COCH: variants seen among roughly 807,000 people sequenced by gnomAD.
COCH encodes coagulation factor C homolog, cochlin (Limulus polyphemus).
COCH carries 40 observed loss-of-function variants against 54.8 expected under a neutral mutation model. The ratio of observed to expected loss-of-function variants is 0.73; its 90% confidence interval spans 0.57 to 0.95. COCH has a LOEUF of 0.95. Ranked by LOEUF, COCH falls within the 40% of genes least tolerant of loss-of-function variation. The pLI, the probability that COCH is intolerant of heterozygous loss-of-function variation, is 0.00. For missense variants in COCH, 605 were observed against 675.0 expected (o/e 0.90, Z 1.15); for synonymous variants, 256 against 237.9 (o/e 1.08, Z -0.70).
chr14:30,887,304 G>C (rs1895821944), intron 11 of COCH, among the ~76,000 whole-genome samples: 1 of 151,388 alleles, frequency 6.6e-6, no homozygotes, highest in South Asian at 2.1e-4. Context: ...TGAGGCACGA[G>C]AATCACTTGA....
Position 30,874,609 on chromosome 14 carries a change from G to T in COCH, c.-24+18G>T. 1 of 501,064 alleles carries T rather than the reference G, an allele frequency of 2.0e-6. No individual in the cohort carries two copies. The highest frequency in any genetic ancestry group is 3.6e-6 in the Non-Finnish European group (1 of 277,286). The allele number at this position is 501,064 out of a possible 1,614,324, so 31.0% of individuals were successfully genotyped here. On this transcript the variant is annotated intron_variant, in intron 1 of 11. Coordinates refer to ENST00000396618, the MANE Select transcript of COCH (RefSeq NM_004086.3). ...TCGAGCAGGTGCGGAGCCCCGGGCGGCGGGCGCGGGTGCGAGGGATCCCTG... is the reference window on the plus strand; with the variant it reads ...TCGAGCAGGTGCGGAGCCCCGGGCGTCGGGCGCGGGTGCGAGGGATCCCTG...
At chr14:30,890,647 C>T (rs923334608), downstream of COCH, 10 of 866,360 alleles carry the variant, frequency 1.2e-5, no homozygotes, top group Non-Finnish European at 4.2e-6. Context: ...CTGCTAGTGT[C>T]TCCCCTGAGG....
At position 30,884,024 on chromosome 14, in the gene COCH, A is replaced by G. The variant is rs1253119525; in HGVS notation, c.630-529A>G. Among the ~76,000 whole-genome samples the G allele has an allele frequency of 2.6e-5, 4 of 152,326 alleles. No individual in the cohort carries two copies. The East Asian group carries it at 7.7e-4, about 29-fold the overall frequency. The stretch of plus-strand genomic sequence containing the variant: ...CACTACTTAGAGCCTCTGGGGTCCC[A>G]CACTGGAACAGACCCTAGTCTCATA... On this transcript the variant is annotated intron_variant, in intron 8 of 11. Transcript: ENST00000396618.
chr14:30,893,360 G>T (rs1164298984), downstream of COCH, among the ~76,000 whole-genome samples: 1 of 151,732 alleles, frequency 6.6e-6, no homozygotes, highest in African/African-American at 2.4e-5. Flanking sequence ...CATCGTGTTA[G>T]CCAGGATGGT....
At chr14:30,884,126 C>G (rs1355749671) in intron 8 of COCH, among the ~76,000 whole-genome samples, 1 of 152,198 alleles carries the variant, frequency 6.6e-6, no homozygotes, top group African/African-American at 2.4e-5. Context: ...GGCTCTGAGC[C>G]AAGCCCGATT....
chr14:30,893,136 G>A (rs1369409152), downstream of COCH, among the ~76,000 whole-genome samples: 3 of 97,208 alleles, frequency 3.1e-5, no homozygotes, highest in East Asian at 2.0e-4. Flanking sequence ...AATTACAAAC[G>A]GCAAAAACCA....
rs913851990 is a variant in COCH at position 30,890,133 on chromosome 14, A to T, written c.*342A>T. Reference sequence around the variant, plus strand: ...CTCAATAAAAGAATCTGATACTTAGACCAAAAGCAACATTCGTTCTCTAAC... The same window carrying T: ...CTCAATAAAAGAATCTGATACTTAGTCCAAAAGCAACATTCGTTCTCTAAC... On this transcript the variant is annotated 3_prime_UTR_variant, in exon 12 of 12. Transcript: ENST00000396618. The T allele has an allele frequency of 1.6e-4, 163 of 1,013,530 alleles. No individual in the cohort carries two copies. Among genetic ancestry groups the T allele is most frequent in the Non-Finnish European group, 1.9e-4 (159 of 846,324 alleles). 62.8% of individuals were successfully genotyped at this position (1,013,530 alleles called of 1,614,324 possible). A position where few individuals can be genotyped will look rare whatever the true frequency, so the allele number is the denominator to read the frequency against.
At chr14:30,891,438 A>C (rs566845603), downstream of COCH, among the ~76,000 whole-genome samples, 239 of 152,358 alleles carry the variant, frequency 1.6e-3, no homozygotes, top group African/African-American at 5.1e-3. Flanking sequence ...TACCCTGCAT[A>C]AGAGGAATAA....
chr14:30,883,729 G>A (rs769077353), intron 8 of COCH, among the ~76,000 whole-genome samples: 3 of 152,090 alleles, frequency 2.0e-5, no homozygotes, highest in Non-Finnish European at 4.4e-5. Flanking sequence ...TTGTGCTGTG[G>A]TTGTTTATAC....
chr14:30,875,446 C>G, intron 3 of COCH: 1 of 584,668 alleles, frequency 1.7e-6, no homozygotes, highest in East Asian at 2.8e-5. Context: ...TGAGCCTCAC[C>G]GAGGAGCGCA....
At chr14:30,894,888 T>C, downstream of COCH, 1 of 895,014 alleles carries the variant, frequency 1.1e-6, no homozygotes, top group Non-Finnish European at 1.4e-6. Flanking sequence ...TTAAATTTTC[T>C]TTTTCTTTTT....
At chr14:30,880,415 T>C in intron 6 of COCH, 37 bp from the exon 7 acceptor site, 1 of 1,611,804 alleles carries the variant, frequency 6.2e-7, no homozygotes, top group Non-Finnish European at 8.5e-7. Flanking sequence ...TGTAACTGTC[T>C]TCCTTTTGTT....
chr14:30,892,536 A>T (rs10148294), downstream of COCH, among the ~76,000 whole-genome samples: 62,582 of 152,100 alleles, frequency 0.41, 13,032 homozygotes, highest in East Asian at 0.46. Context: ...ACGGTGGCTC[A>T]CGCCTGTAAT....
chr14:30,891,638 CCAGTA>C (rs1365162032), downstream of COCH, among the ~76,000 whole-genome samples: 1 of 152,030 alleles, frequency 6.6e-6, no homozygotes, highest in Non-Finnish European at 1.5e-5. Context: ...TGATTTTTCC[CCAGTA>C]AGTAGACCAA....
intron 8 of COCH, 185 bp from the exon 9 acceptor site, chr14:30,884,368 G>T (rs1671489485): frequency 3.4e-6 from 2 of 587,904 alleles, no homozygotes; most frequent in Non-Finnish European, 3.0e-6. Context: ...GCAATTATTT[G>T]TTACACCTCT....
intron 5 of COCH, 75 bp from the exon 6 acceptor site, chr14:30,879,348 G>C (rs1895486928): frequency 1.4e-6 from 2 of 1,408,952 alleles, no homozygotes; most frequent in Non-Finnish European, 2.0e-6. Flanking sequence ...TCATTGTAGA[G>C]AGCTCTAAAT....
chr14:30,894,810 TAAA>T (rs1896083682), downstream of COCH: 1 of 359,006 alleles, frequency 2.8e-6, no homozygotes, highest in Non-Finnish European at 4.6e-6. Context: ...GCTAAATATA[TAAA>T]AAGACTTATA....
At position 30,886,286 on chromosome 14, in the gene COCH, G is replaced by A. The variant is rs746659336; in HGVS notation, c.1451G>A (p.Gly484Asp). 4 of 1,614,052 alleles carry A rather than the reference G, an allele frequency of 2.5e-6. No homozygotes were observed. The African/African-American group carries it at 4.0e-5, about 16-fold the overall frequency. Residue 484 changes from glycine to aspartate, a missense_variant, in exon 11 of 12, where the codon GGC (glycine) becomes GAC (aspartate). Gly to Asp is a moderately conservative substitution (Grantham distance 94, BLOSUM62 -1). Transcript: ENST00000396618. ...GGGCAGTCCTATGATGATGTCCAAG[G>A]CCCTGCAGCTGCTGCACATGATGCA... is the stretch of plus-strand genomic sequence containing the variant. ...TDGQSYDDVQ[G>D]PAAAAHDAGI... is the part of the protein sequence containing the mutation.
chr14:30,889,066 G>A (rs1315178038), intron 11 of COCH: 2 of 153,410 alleles, frequency 1.3e-5, no homozygotes, highest in Non-Finnish European at 2.9e-5. Flanking sequence ...GATTGAAATG[G>A]AAGAGGATTT....
Sources: gnomAD v4.1 joint callset for allele counts (sites outside exome capture counted in the v4.1 genomes callset) on GRCh38, gnomAD v4.1.1 for gene constraint, MANE v1.5 for transcripts, NCBI Gene and HGNC (gene_info 2026-07-23, HGNC 2026-07-21) for gene names.